Variants in CCDC169 observed in about 807,000 individuals in gnomAD.
CCDC169 encodes the protein coiled-coil domain containing 169, also known as coiled-coil domain-containing protein 169.
CCDC169 carries 30 observed loss-of-function variants against 36.0 expected under a neutral mutation model. That is an observed-to-expected ratio of 0.83 (90% confidence interval 0.62 to 1.13). The LOEUF is 1.13. Among genes scored for constraint, CCDC169 ranks in the 50% most tolerant of loss-of-function variants. The pLI, the probability that CCDC169 is intolerant of heterozygous loss-of-function variation, is 0.00. For synonymous variants in CCDC169, 85 were observed against 81.5 expected, an observed-to-expected ratio of 1.04 and a Z score of -0.23; for missense variants, 245 against 245.9, an observed-to-expected ratio of 1.00 and a Z score of 0.03.
intron 2 of CCDC169, among the ~76,000 whole-genome samples, chr13:36,287,714 G>A (rs1299541969): frequency 1.3e-5 from 2 of 152,100 alleles, no homozygotes; most frequent in Non-Finnish European, 2.9e-5. Flanking sequence ...AAATAGAAAG[G>A]TCTTCAGAAT....
At chr13:36,262,075 A>C (rs1409636568) in intron 4 of CCDC169, among the ~76,000 whole-genome samples, 1 of 152,194 alleles carries the variant, frequency 6.6e-6, no homozygotes, top group Non-Finnish European at 1.5e-5. Context: ...ATATAGAGGA[A>C]TAACTGTCTA....
At chr13:36,234,001 C>T (rs1315756296) in intron 7 of CCDC169, among the ~76,000 whole-genome samples, 2 of 152,144 alleles carry the variant, frequency 1.3e-5, no homozygotes, top group African/African-American at 2.4e-5. Context: ...ATTTAAAAGT[C>T]TGAGAAGAAA....
At chr13:36,250,696 AC>A (rs1873044907) in intron 6 of CCDC169, among the ~76,000 whole-genome samples, 1 of 152,158 alleles carries the variant, frequency 6.6e-6, no homozygotes, top group African/African-American at 2.4e-5. Flanking sequence ...ACAAAACAAA[AC>A]AAAAACCTAT....
At chr13:36,223,992 C>T (rs977872112), downstream of CCDC169, 1 of 152,038 alleles carries the variant, frequency 6.6e-6, no homozygotes, top group African/African-American at 2.4e-5. Context: ...CATGCTAAAA[C>T]TAATTCAGAT....
chr13:36,258,695 C>T (rs1874229409), intron 4 of CCDC169, among the ~76,000 whole-genome samples: 1 of 152,102 alleles, frequency 6.6e-6, no homozygotes, highest in South Asian at 2.1e-4. Flanking sequence ...ATGAATAATC[C>T]ACTCCTTTAG....
intron 7 of CCDC169, among the ~76,000 whole-genome samples, chr13:36,243,779 C>T (rs1037692373): frequency 2.6e-5 from 4 of 152,142 alleles, no homozygotes; most frequent in Non-Finnish European, 2.9e-5. Context: ...GCACTACAGC[C>T]TGGGCAACAA....
intron 1 of CCDC169, among the ~76,000 whole-genome samples, chr13:36,296,144 T>G (rs1394020494): frequency 6.6e-6 from 1 of 152,200 alleles, no homozygotes; most frequent in Non-Finnish European, 1.5e-5. Context: ...CAGGCTGGAG[T>G]GCAGTGGTGC....
intron 1 of CCDC169, 61 bp from the exon 2 acceptor site, chr13:36,295,918 T>G (rs1010593614): frequency 1.1e-6 from 1 of 942,646 alleles, no homozygotes; most frequent in Admixed American, 2.2e-5. Flanking sequence ...AGAAAAATAA[T>G]ACATAGTAAC....
rs1386822392 is a variant in CCDC169, at chr13:36,231,209, G to A, written c.629C>T (p.Pro210Leu). Residue 210 changes from proline to leucine, a missense_variant, in exon 8 of 8, where the codon CCA becomes CTA. Physicochemically the swap from Pro to Leu is moderately conservative, Grantham distance 98 (BLOSUM62 -3). Coordinates refer to ENST00000239859, the MANE Select transcript of CCDC169 (RefSeq NM_001144981.3). Reference protein sequence around the residue: ...VKKITRPNHLPELHP With the variant: ...VKKITRPNHLLELHP The stretch of plus-strand genomic sequence containing the variant: ...GTTCTGGAATCATGGATGGAGTTCT[G>A]GAAGATGGTTTGGTCTTGTAATCTT... 1 of 1,551,130 alleles carries A rather than the reference G, an allele frequency of 6.4e-7. No homozygotes were observed. The highest frequency in any genetic ancestry group is 8.7e-7 in the Non-Finnish European group (1 of 1,146,726).
chr13:36,278,041 G>T (rs890873805), intron 4 of CCDC169, among the ~76,000 whole-genome samples: 1 of 151,982 alleles, frequency 6.6e-6, no homozygotes, highest in Admixed American at 6.6e-5. Context: ...TTATATAACA[G>T]CACAGCTTAA....
chr13:36,296,045 C>T (rs1003974945), intron 1 of CCDC169, among the ~76,000 whole-genome samples, 188 bp from the exon 2 acceptor site: 9 of 152,104 alleles, frequency 5.9e-5, no homozygotes, highest in Non-Finnish European at 8.8e-5. Context: ...CTCAAATATG[C>T]ACTAAAGCTC....
chr13:36,269,185 G>A (rs901682551), intron 4 of CCDC169, among the ~76,000 whole-genome samples: 46 of 151,914 alleles, frequency 3.0e-4, no homozygotes, highest in Non-Finnish European at 5.9e-5. Flanking sequence ...AAATGGATAA[G>A]TTCTTGGAAA....
At chr13:36,238,648 T>C (rs1013151460) in intron 7 of CCDC169, among the ~76,000 whole-genome samples, 2 of 152,208 alleles carry the variant, frequency 1.3e-5, no homozygotes, top group Non-Finnish European at 2.9e-5. Flanking sequence ...AATGATTTTC[T>C]ATTACACTAA....
downstream of CCDC169, among the ~76,000 whole-genome samples, chr13:36,230,095 T>C (rs1428700534): frequency 6.6e-6 from 1 of 152,196 alleles, no homozygotes; most frequent in African/African-American, 2.4e-5. Context: ...TATTCTTCCT[T>C]AAGGAAAGAA....
chr13:36,251,719 G>C (rs1184694047), intron 6 of CCDC169, among the ~76,000 whole-genome samples: 1 of 152,134 alleles, frequency 6.6e-6, no homozygotes. Flanking sequence ...GAGTCACCCT[G>C]ACTGACCTCA....
chr13:36,288,309 C>T (rs934221497), intron 2 of CCDC169, among the ~76,000 whole-genome samples: 59 of 152,016 alleles, frequency 3.9e-4, no homozygotes, highest in African/African-American at 1.2e-3. Context: ...CCACCGTGCC[C>T]GACCCGGAAA....
chr13:36,272,529 T>C (rs1876235815), intron 4 of CCDC169, among the ~76,000 whole-genome samples: 1 of 152,162 alleles, frequency 6.6e-6, no homozygotes, highest in Non-Finnish European at 1.5e-5. Context: ...AACTTTTCTA[T>C]TTTTTTAAAT....
At chr13:36,240,885 A>G (rs1202247644) in intron 7 of CCDC169, among the ~76,000 whole-genome samples, 2 of 152,094 alleles carry the variant, frequency 1.3e-5, no homozygotes, top group Admixed American at 1.3e-4. Flanking sequence ...TACTAAAAAG[A>G]CTGTTTCTCC....
chr13:36,245,595 C>T (rs898236122), intron 7 of CCDC169, among the ~76,000 whole-genome samples: 1 of 152,170 alleles, frequency 6.6e-6, no homozygotes, highest in Non-Finnish European at 1.5e-5. Context: ...CTGCACCAAG[C>T]CCTCTGTTCT....
Sources: gnomAD v4.1 joint callset for allele counts (sites outside exome capture counted in the v4.1 genomes callset) on GRCh38, gnomAD v4.1.1 for gene constraint, MANE v1.5 for transcripts, NCBI Gene and HGNC (gene_info 2026-07-23, HGNC 2026-07-21) for gene names.